Variants in RAD51AP1 observed in about 807,000 individuals in gnomAD.
The protein encoded by RAD51AP1 is RAD51-associated protein 1.
In RAD51AP1, 14 loss-of-function variants were observed where a neutral mutation model predicts 34.3. That is an observed-to-expected ratio of 0.41 (90% CI 0.27 to 0.64). RAD51AP1 has a LOEUF of 0.64. Ranked by LOEUF, RAD51AP1 falls within the 30% of genes least tolerant of loss-of-function variation. The pLI, the probability that RAD51AP1 is intolerant of heterozygous loss-of-function variation, is 0.33. For missense variants in RAD51AP1, 348 were observed against 386.9 expected, an observed-to-expected ratio of 0.90 and a Z score of 0.84; for synonymous variants, 114 against 129.8, an observed-to-expected ratio of 0.88 and a Z score of 0.83.
intron 3 of RAD51AP1, chr12:4,545,850 T>C (rs762506412): frequency 6.2e-7 from 1 of 1,604,078 alleles, no homozygotes; most frequent in Non-Finnish European, 8.5e-7. Flanking sequence ...CTTGGTAAAA[T>C]ATTTGTTAAA....
chr12:4,551,144 A>G (rs552048656), intron 6 of RAD51AP1, among the ~76,000 whole-genome samples: 11 of 152,114 alleles, frequency 7.2e-5, no homozygotes, highest in African/African-American at 2.7e-4. Context: ...CCCCACCACC[A>G]AAAAAAGCGA....
At chr12:4,556,629 C>A in intron 8 of RAD51AP1, 127 bp downstream of exon 8, 1 of 1,048,964 alleles carries the variant, frequency 9.5e-7, no homozygotes, top group Non-Finnish European at 1.4e-6. Flanking sequence ...ACCAAAGTTC[C>A]TGGTTGCTGC....
In RAD51AP1 at chr12:4,560,005, AAAT is replaced by A. The variant is rs1944609824; in HGVS notation, c.*1016_*1018del. On this transcript the variant is annotated 3_prime_UTR_variant, in exon 9 of 9. Transcript: ENST00000352618. ...TATGGAAATATCTATATTAATGTGA[AAAT>A]AATTAATTTAGAATTGTGATTAAAG... is the stretch of plus-strand genomic sequence containing the variant. 1 of 152,222 alleles carries A rather than the reference AAAT, an allele frequency of 6.6e-6. No homozygotes were observed. The highest frequency in any genetic ancestry group is 2.1e-4 in the South Asian group (1 of 4,830). The allele number at this position is 152,222 out of a possible 1,614,324, so 9.4% of individuals were successfully genotyped here. A position where few individuals can be genotyped will look rare whatever the true frequency, so the allele number is the denominator to read the frequency against.
intron 1 of RAD51AP1, among the ~76,000 whole-genome samples, chr12:4,540,850 G>T (rs1944461501): frequency 1.3e-5 from 2 of 152,110 alleles, no homozygotes; most frequent in South Asian, 4.1e-4. Context: ...GTTATCTCAA[G>T]GAAAAGCACT....
At chr12:4,545,421 T>A (rs1185171769) in intron 3 of RAD51AP1, 1 of 309,148 alleles carries the variant, frequency 3.2e-6, no homozygotes, top group African/African-American at 2.2e-5. Flanking sequence ...AAACAGGAAG[T>A]GAATGCTAAT....
Position 4,559,960 on chromosome 12 carries a change from TAAC to T in RAD51AP1, c.*968_*970del, listed in dbSNP as rs1055838882. The T allele has an allele frequency of 8.5e-5, 13 of 152,346 alleles. No homozygotes were observed. Among genetic ancestry groups the T allele is most frequent in the African/African-American group, 2.9e-4 (12 of 41,584 alleles). 9.4% of individuals were successfully genotyped at this position (152,346 alleles called of 1,614,324 possible). On this transcript the variant is annotated 3_prime_UTR_variant, in exon 9 of 9. Transcript: ENST00000352618. ...ATGTTAGCTGTTAAAAAATGTATAA[TAAC>T]TCAGTTTTTCTTGGTTTATGGAAAT...
intron 6 of RAD51AP1, among the ~76,000 whole-genome samples, chr12:4,552,288 ACTAT>A: frequency 6.6e-6 from 1 of 152,356 alleles, no homozygotes; most frequent in East Asian, 1.9e-4. Flanking sequence ...TCATTGCTTA[ACTAT>A]CAGGTTAGGA....
intron 2 of RAD51AP1, among the ~76,000 whole-genome samples, chr12:4,542,300 A>G (rs1441093725): frequency 6.6e-6 from 1 of 152,236 alleles, no homozygotes; most frequent in East Asian, 1.9e-4. Context: ...ACTATAAAAC[A>G]AGACCTTGAA....
At chr12:4,546,906 A>G (rs1318068127) in intron 4 of RAD51AP1, among the ~76,000 whole-genome samples, 1 of 152,202 alleles carries the variant, frequency 6.6e-6, no homozygotes, top group Non-Finnish European at 1.5e-5. Context: ...CAATATATTA[A>G]TATTCTAGAG....
chr12:4,541,020 T>C (rs1219777267), intron 1 of RAD51AP1, among the ~76,000 whole-genome samples: 1 of 152,188 alleles, frequency 6.6e-6, no homozygotes, highest in Non-Finnish European at 1.5e-5. Context: ...ATTTAGTGCC[T>C]AGAGGAGGGA....
At chr12:4,545,141 A>G (rs1591771181) in intron 3 of RAD51AP1, 1 of 418,962 alleles carries the variant, frequency 2.4e-6, no homozygotes. Context: ...CTAAAAAAAA[A>G]TGGAGGCAAT....
intron 5 of RAD51AP1, 85 bp downstream of exon 5, chr12:4,548,263 G>T (rs1944521318): frequency 2.6e-6 from 4 of 1,532,736 alleles, no homozygotes; most frequent in African/African-American, 1.4e-5. Context: ...GTGGCTAGAA[G>T]CAAGTTCTTT....
chr12:4,539,420 CGTG>C (rs1277677743), intron 1 of RAD51AP1, among the ~76,000 whole-genome samples: 2 of 152,156 alleles, frequency 1.3e-5, no homozygotes, highest in Admixed American at 1.3e-4. Flanking sequence ...TGCTTTCCAT[CGTG>C]GTATTAGAAA....
chr12:4,539,034 G>A (rs531310463), intron 1 of RAD51AP1, 78 bp downstream of exon 1: 1 of 1,530,902 alleles, frequency 6.5e-7, no homozygotes, highest in Non-Finnish European at 9.0e-7. Flanking sequence ...AAAGGATCGA[G>A]TAAGACCGGA....
intron 5 of RAD51AP1, 30 bp downstream of exon 5, chr12:4,548,208 A>G (rs370470556): frequency 2.5e-6 from 4 of 1,582,400 alleles, no homozygotes; most frequent in East Asian, 4.5e-5. Flanking sequence ...AATTTTTCTC[A>G]TCAACAATGC....
chr12:4,555,427 G>A (rs1944575256), intron 7 of RAD51AP1, among the ~76,000 whole-genome samples: 1 of 152,036 alleles, frequency 6.6e-6, no homozygotes, highest in Non-Finnish European at 1.5e-5. Context: ...CTTCTAAGTA[G>A]CCTACTTCTC....
At chr12:4,547,358 CT>C (rs1944514014) in intron 4 of RAD51AP1, among the ~76,000 whole-genome samples, 1 of 152,226 alleles carries the variant, frequency 6.6e-6, no homozygotes, top group South Asian at 2.1e-4. Flanking sequence ...GCCACCTTAT[CT>C]GGCTGCCTCC....
At chr12:4,556,288 A>G (rs376951567) in intron 7 of RAD51AP1, 65 bp from the exon 8 acceptor site, 9 of 1,189,116 alleles carry the variant, frequency 7.6e-6, no homozygotes, top group East Asian at 7.0e-5. Flanking sequence ...ATTTTTACAC[A>G]TATATGCTAG....
At chr12:4,554,686 A>G (rs145813375) in intron 7 of RAD51AP1, among the ~76,000 whole-genome samples, 40 of 152,356 alleles carry the variant, frequency 2.6e-4, no homozygotes, top group African/African-American at 9.1e-4. Flanking sequence ...AATATTAGAA[A>G]TGAAATTTAA....
Sources: gnomAD v4.1 joint callset for allele counts (sites outside exome capture counted in the v4.1 genomes callset) on GRCh38, gnomAD v4.1.1 for gene constraint, MANE v1.5 for transcripts, NCBI Gene and HGNC (gene_info 2026-07-23, HGNC 2026-07-21) for gene names.